The following GNG7 variants were observed in gnomAD, a reference collection of about 807,000 sequenced individuals.
GNG7 encodes the protein guanine nucleotide-binding protein G(I)/G(S)/G(O) subunit gamma-7.
In GNG7, 1 loss-of-function variant was observed where a neutral mutation model predicts 4.0. The observed-to-expected ratio is 0.25, with a 90% CI of 0.09 to 1.18. GNG7 has a LOEUF of 1.18. Among genes scored for constraint, GNG7 ranks in the 50% most tolerant of loss-of-function variants. The pLI, the probability that GNG7 is intolerant of heterozygous loss-of-function variation, is 0.50. For missense variants in GNG7, 86 were observed against 91.9 expected, an observed-to-expected ratio of 0.94 and a Z score of 0.26; for synonymous variants, 34 against 36.9, an observed-to-expected ratio of 0.92 and a Z score of 0.29.
chr19:2,569,042 C>T (rs530180772), intron 2 of GNG7, among the ~76,000 whole-genome samples: 180 of 152,008 alleles, frequency 1.2e-3, no homozygotes, highest in African/African-American at 4.2e-3. Context: ...AAAGCACAAA[C>T]ATATACACAG....
At chr19:2,673,001 A>C (rs572852256) in intron 1 of GNG7, among the ~76,000 whole-genome samples, 1 of 151,512 alleles carries the variant, frequency 6.6e-6, no homozygotes, top group Non-Finnish European at 1.5e-5. Flanking sequence ...TCATGCCTGT[A>C]ATCCCAGCAC....
Position 2,615,536 on chromosome 19 carries a change from C to T in GNG7, c.-78+30688G>A, listed in dbSNP as rs540300413. ...GGAGTGCAGTGGTGCAGTCACAGCT[C>T]ACTGCAACCTCAGCCTCCTGGGCTC... is the stretch of plus-strand genomic sequence containing the variant. On this transcript the variant is annotated intron_variant, in intron 2 of 4. Transcript: ENST00000382159. Among the ~76,000 whole-genome samples the T allele has an allele frequency of 2.2e-4, 32 of 142,786 alleles. No individual in the cohort carries two copies. In the South Asian group the frequency reaches 7.5e-3, roughly 33 times the overall value. The allele number at this position is 142,786 out of a possible 152,430, so 93.7% of individuals were successfully genotyped here.
At chr19:2,596,171 C>T (rs1981014569) in intron 2 of GNG7, among the ~76,000 whole-genome samples, 1 of 152,068 alleles carries the variant, frequency 6.6e-6, no homozygotes, top group Admixed American at 6.6e-5. Context: ...CCAGCATGGC[C>T]AACATGGTGA....
chr19:2,702,289 C>A (rs945188082), intron 1 of GNG7, among the ~76,000 whole-genome samples: 3 of 148,162 alleles, frequency 2.0e-5, no homozygotes, highest in African/African-American at 5.0e-5. Context: ...TAAGTGGAGT[C>A]CCAATGCCCA....
chr19:2,671,198 C>A (rs548972490), intron 1 of GNG7, among the ~76,000 whole-genome samples: 2 of 152,032 alleles, frequency 1.3e-5, no homozygotes, highest in Non-Finnish European at 2.9e-5. Flanking sequence ...TTAACTGTGA[C>A]GACCACAAAT....
At chr19:2,579,974 G>A (rs1980454507) in intron 2 of GNG7, among the ~76,000 whole-genome samples, 1 of 152,120 alleles carries the variant, frequency 6.6e-6, no homozygotes, top group Non-Finnish European at 1.5e-5. Context: ...TGGGGGCGCA[G>A]GTGTCTCTCA....
At chr19:2,631,634 G>T (rs1027118195) in intron 2 of GNG7, among the ~76,000 whole-genome samples, 1 of 152,004 alleles carries the variant, frequency 6.6e-6, no homozygotes, top group African/African-American at 2.4e-5. Context: ...GGGAGTGGAG[G>T]GGGGAACTTG....
chr19:2,602,135 G>C (rs549516527), intron 2 of GNG7, among the ~76,000 whole-genome samples: 3 of 152,008 alleles, frequency 2.0e-5, no homozygotes, highest in Non-Finnish European at 4.4e-5. Flanking sequence ...TCAGGAGTTC[G>C]AGACCAGCCT....
At chr19:2,538,808 T>A in intron 3 of GNG7, 2 of 373,774 alleles carry the variant, frequency 5.4e-6, no homozygotes, top group Non-Finnish European at 1.0e-5. Context: ...TCACTCTGTC[T>A]CCCAGGCTGG....
Position 2,639,065 on chromosome 19 carries a change from C to T in GNG7, c.-78+7159G>A, listed in dbSNP as rs188306882. ...CAGCCTGGCCAACATGGTGAAACCC[C>T]ATCTCTACTAAAAATACAAAAATTA... On this transcript the variant is annotated intron_variant, in intron 2 of 4. Coordinates refer to ENST00000382159, the MANE Select transcript of GNG7 (RefSeq NM_052847.3). Among the ~76,000 whole-genome samples the T allele has an allele frequency of 5.2e-3, 795 of 151,926 alleles. 7 individuals carry two copies. The highest frequency in any genetic ancestry group is 0.018 in the African/African-American group (752 of 41,422).
intron 2 of GNG7, among the ~76,000 whole-genome samples, chr19:2,620,528 G>C (rs1479370994): frequency 6.6e-6 from 1 of 152,136 alleles, no homozygotes; most frequent in African/African-American, 2.4e-5. Context: ...AAAGCTCTTG[G>C]GTATGAGTCC....
rs576504294 is a variant in GNG7, at chr19:2,557,101, T to G, written c.-77-1913A>C. ...CGCACACACGTGCACACAGGAATAC[T>G]CAGACACACGCACACACGTACACAC... On this transcript the variant is annotated intron_variant, in intron 2 of 4. Coordinates refer to ENST00000382159, the MANE Select transcript of GNG7 (RefSeq NM_052847.3). The surrounding 1 kb of genome is among the most constrained non-coding windows in gnomAD (Gnocchi z 5.1). Among the ~76,000 whole-genome samples the G allele has an allele frequency of 2.2e-5, 3 of 136,608 alleles. No individual in the cohort carries two copies. Among genetic ancestry groups the G allele is most frequent in the East Asian group, 4.4e-4 (2 of 4,556 alleles). 89.6% of individuals were successfully genotyped at this position (136,608 alleles called of 152,430 possible). A position where few individuals can be genotyped will look rare whatever the true frequency, so the allele number is the denominator to read the frequency against.
At chr19:2,537,969 C>T (rs1372317921) in intron 3 of GNG7, 2 of 368,306 alleles carry the variant, frequency 5.4e-6, no homozygotes, top group African/African-American at 2.1e-5. Context: ...CCCAGCTACT[C>T]AGGAGGCTGA....
At chr19:2,583,040 A>G (rs538961233) in intron 2 of GNG7, among the ~76,000 whole-genome samples, 23 of 152,226 alleles carry the variant, frequency 1.5e-4, no homozygotes, top group African/African-American at 5.3e-4. Flanking sequence ...TCTTGGGCTT[A>G]AGCAATCCTC....
At chr19:2,620,659 C>T (rs894576174) in intron 2 of GNG7, among the ~76,000 whole-genome samples, 1 of 152,096 alleles carries the variant, frequency 6.6e-6, no homozygotes, top group Non-Finnish European at 1.5e-5. Context: ...GAGCTTATGC[C>T]GTCAGCACCC....
intron 1 of GNG7, among the ~76,000 whole-genome samples, chr19:2,694,992 A>G (rs1009069052): frequency 6.6e-6 from 1 of 151,938 alleles, no homozygotes; most frequent in Non-Finnish European, 1.5e-5. Context: ...TAGGCAATAC[A>G]GGGGGACCTC....
At chr19:2,596,654 G>C (rs1981029512) in intron 2 of GNG7, among the ~76,000 whole-genome samples, 1 of 142,424 alleles carries the variant, frequency 7.0e-6, no homozygotes, top group African/African-American at 2.7e-5. Flanking sequence ...GGGTGACAAA[G>C]TGAGACCCTG....
intron 1 of GNG7, among the ~76,000 whole-genome samples, chr19:2,689,456 C>T (rs1281395864): frequency 6.6e-6 from 1 of 151,266 alleles, no homozygotes; most frequent in Non-Finnish European, 1.5e-5. Flanking sequence ...AACCCCGTCT[C>T]TACTAAAAAT....
chr19:2,542,669 C>T (rs1369875426), intron 3 of GNG7, among the ~76,000 whole-genome samples: 3 of 152,102 alleles, frequency 2.0e-5, no homozygotes, highest in Admixed American at 6.6e-5. Context: ...TGCTCTAAGC[C>T]ACCACATATG....
Sources: gnomAD v4.1 joint callset for allele counts (sites outside exome capture counted in the v4.1 genomes callset) on GRCh38, gnomAD v4.1.1 for gene constraint, Gnocchi (gnomAD v3.1) non-coding constraint, MANE v1.5 for transcripts, NCBI Gene and HGNC (gene_info 2026-07-23, HGNC 2026-07-21) for gene names.